The following RERE variants were observed in gnomAD, a reference collection of about 807,000 sequenced individuals.
The protein encoded by RERE is arginine-glutamic acid dipeptide repeats.
Under a neutral mutation model 146.1 loss-of-function variants are expected in RERE, and 40 were observed. The observed-to-expected ratio is 0.27, with a 90% CI of 0.21 to 0.36. The LOEUF is 0.36. Ranked by LOEUF, RERE falls within the 10% of genes least tolerant of loss-of-function variation. The pLI, the probability that RERE is intolerant of heterozygous loss-of-function variation, is 1.00. For missense variants in RERE, 1,933 were observed against 2,138.7 expected (o/e 0.90, Z 1.90); for synonymous variants, 1,003 against 866.0 (o/e 1.16, Z -2.78).
In RERE at chr1:8,360,215, G is replaced by C. The variant is rs1215653376; in HGVS notation, c.3292C>G (p.Leu1098Val). The change falls in exon 18 of 23, where the codon CTG (leucine) becomes GTG (valine). Residue 1098 changes from leucine to valine, a missense_variant. Coordinates refer to ENST00000400908, the MANE Select transcript of RERE (RefSeq NM_001042681.2). ...CTCTCAGGCTCCTCAGCGTCGTCCA[G>C]AGCCTCCTCCTTGATCTGGACGGTG... ...LPTVQIKEEALDDAEEPESPP... is the reference protein window; with the variant it reads ...LPTVQIKEEAVDDAEEPESPP... The C allele has an allele frequency of 6.3e-6, 10 of 1,591,196 alleles. No homozygotes were observed. Among genetic ancestry groups the C allele is most frequent in the East Asian group, 2.3e-5 (1 of 44,032 alleles).
intron 9 of RERE, among the ~76,000 whole-genome samples, chr1:8,495,913 G>A (rs1357844746): frequency 1.3e-5 from 2 of 152,050 alleles, no homozygotes; most frequent in African/African-American, 2.4e-5. Context: ...GATGGCTCAT[G>A]CCCGTAATCC....
At chr1:8,649,627 A>G (rs1647503657) in intron 2 of RERE, among the ~76,000 whole-genome samples, 1 of 151,718 alleles carries the variant, frequency 6.6e-6, no homozygotes, top group South Asian at 2.1e-4. Flanking sequence ...CTACTCTCGA[A>G]GATGAGGCAG....
chr1:8,428,169 T>C (rs369482625), intron 11 of RERE, among the ~76,000 whole-genome samples: 39 of 152,304 alleles, frequency 2.6e-4, no homozygotes, highest in African/African-American at 9.1e-4. Context: ...GAAGGAAATA[T>C]AGAAGGCAAG....
chr1:8,672,061 C>T (rs1026663311), intron 1 of RERE, among the ~76,000 whole-genome samples: 3 of 152,274 alleles, frequency 2.0e-5, no homozygotes, highest in Admixed American at 2.0e-4. Context: ...ATCATCACTA[C>T]AGGCCAGGAG....
chr1:8,563,635 T>C (rs1646104149), intron 4 of RERE, among the ~76,000 whole-genome samples: 1 of 152,212 alleles, frequency 6.6e-6, no homozygotes, highest in Non-Finnish European at 1.5e-5. Flanking sequence ...CAAAACAATC[T>C]GCTGGAGAGA....
At chr1:8,710,871 A>G (rs2124456240) in intron 1 of RERE, among the ~76,000 whole-genome samples, 1 of 152,158 alleles carries the variant, frequency 6.6e-6, no homozygotes, top group South Asian at 2.1e-4. Flanking sequence ...ACACCTGTAA[A>G]CTACTGGGAT....
intron 4 of RERE, among the ~76,000 whole-genome samples, chr1:8,589,946 T>C (rs1646472777): frequency 6.6e-6 from 1 of 152,348 alleles, no homozygotes; most frequent in Admixed American, 6.5e-5. Context: ...CTTGTCTCAA[T>C]GTCTATCGCA....
intron 1 of RERE, among the ~76,000 whole-genome samples, chr1:8,803,243 C>T (rs962590566): frequency 1.3e-5 from 2 of 151,844 alleles, no homozygotes; most frequent in East Asian, 1.9e-4. Flanking sequence ...TCTGAGAGGC[C>T]GAGGCGGGAG....
rs145235329 is a variant in RERE, at chr1:8,561,465, TCAGTCTGCAACTGCTAGTTG to T, written c.523-3962_523-3943del. Among the ~76,000 whole-genome samples the T allele has an allele frequency of 8.0e-3, 1,216 of 152,316 alleles. 13 individuals are homozygous for T. Among genetic ancestry groups the T allele is most frequent in the African/African-American group, 0.028 (1,163 of 41,572 alleles). On this transcript the variant is annotated intron_variant, in intron 4 of 22. Transcript: ENST00000400908. ...CAATTAGGTAATCTAGGATTACAGT[TCAGTCTGCAACTGCTAGTTG>T]CAACCTGAGTGGAGTCCCCCAACCC...
intron 12 of RERE, among the ~76,000 whole-genome samples, chr1:8,369,518 A>G (rs1156676273): frequency 7.9e-6 from 1 of 127,280 alleles, no homozygotes; most frequent in Non-Finnish European, 1.6e-5. Flanking sequence ...TAAAAAAAAA[A>G]AAAAAAAAAA....
chr1:8,449,442 A>T (rs1644365100), intron 11 of RERE, among the ~76,000 whole-genome samples: 1 of 152,212 alleles, frequency 6.6e-6, no homozygotes, highest in Admixed American at 6.5e-5. Flanking sequence ...ACATAAGATT[A>T]TCAGCAAAGG....
intron 1 of RERE, among the ~76,000 whole-genome samples, chr1:8,715,790 G>C (rs1639753015): frequency 6.6e-6 from 1 of 151,712 alleles, no homozygotes. Context: ...TATAATCCCA[G>C]CTACTCAGGA....
chr1:8,665,860 C>T (rs1270190567), intron 1 of RERE, among the ~76,000 whole-genome samples: 1 of 152,146 alleles, frequency 6.6e-6, no homozygotes, highest in Non-Finnish European at 1.5e-5. Flanking sequence ...AAAGACACAA[C>T]AAATAACCAT....
intron 2 of RERE, among the ~76,000 whole-genome samples, chr1:8,626,893 C>A (rs1199461987): frequency 6.6e-6 from 1 of 152,220 alleles, no homozygotes; most frequent in African/African-American, 2.4e-5. Context: ...CTACTACTCA[C>A]TGGCTTCAGA....
chr1:8,510,007 A>G (rs544581929), intron 7 of RERE, among the ~76,000 whole-genome samples: 16 of 152,294 alleles, frequency 1.1e-4, no homozygotes, highest in African/African-American at 3.9e-4. Context: ...TTGCTTGGGC[A>G]AAGGTGGTGG....
rs553691675 is a variant in RERE, at chr1:8,365,773, C to CT, written c.1447+38dup. ...GTGGGACAGGCTGCCCGTGAACAGT[C>CT]TCCCCTCCGCCCACTGTGATGCCAA... is the stretch of plus-strand genomic sequence containing the variant. On this transcript the variant is annotated intron_variant, in intron 13 of 22. Transcript: ENST00000400908. The CT allele has an allele frequency of 5.5e-4, 878 of 1,606,268 alleles. 7 individuals are homozygous for CT. In the African/African-American group the frequency reaches 0.011, roughly 19 times the overall value.
chr1:8,714,511 G>GAC (rs988849918), intron 1 of RERE, among the ~76,000 whole-genome samples: 4 of 152,138 alleles, frequency 2.6e-5, no homozygotes, highest in African/African-American at 9.7e-5. Flanking sequence ...GACATTTTCA[G>GAC]ACACACACAG....
At chr1:8,670,197 AAG>A (rs1048140085) in intron 1 of RERE, among the ~76,000 whole-genome samples, 31 of 152,366 alleles carry the variant, frequency 2.0e-4, no homozygotes, top group African/African-American at 7.5e-4. Flanking sequence ...AGAAAAGCAG[AAG>A]AGCCACTAGA....
rs955474726 is a variant in RERE at position 8,361,747 on chromosome 1, C to G, written c.2016+16G>C. 2.5e-6 allele frequency: 4 copies of G among 1,595,506 alleles called. No individual in the cohort carries two copies. Among genetic ancestry groups the G allele is most frequent in the South Asian group, 1.1e-5 (1 of 90,662 alleles). On this transcript the variant is annotated intron_variant, in intron 17 of 22. Coordinates refer to ENST00000400908, the MANE Select transcript of RERE (RefSeq NM_001042681.2). ...AGCATTAGCTTTACTCAGCAAGGCT[C>G]AGCAGCAAACCTCACCTGCGTTTTT...
Sources: gnomAD v4.1 joint callset for allele counts (sites outside exome capture counted in the v4.1 genomes callset) on GRCh38, gnomAD v4.1.1 for gene constraint, MANE v1.5 for transcripts, NCBI Gene and HGNC (gene_info 2026-07-23, HGNC 2026-07-21) for gene names.